The following BANK1 variants were observed in gnomAD, a reference collection of about 807,000 sequenced individuals.
The protein encoded by BANK1 is B-cell scaffold protein with ankyrin repeats.
Under a neutral mutation model 94.5 loss-of-function variants are expected in BANK1, and 95 were observed. The observed-to-expected ratio is 1.00, with a 90% CI of 0.85 to 1.19. BANK1 has a LOEUF of 1.19. Ranked by LOEUF, BANK1 falls within the 50% of genes most tolerant of loss-of-function variation. BANK1 has a pLI of 0.00. For missense variants in BANK1, 987 were observed against 932.2 expected (o/e 1.06, Z -0.77); for synonymous variants, 334 against 308.4 (o/e 1.08, Z -0.87).
intron 7 of BANK1, among the ~76,000 whole-genome samples, chr4:102,002,090 C>A (rs1413004984): frequency 1.1e-4 from 17 of 152,200 alleles, no homozygotes; most frequent in Non-Finnish European, 4.4e-5. Flanking sequence ...CTGGCAGTGC[C>A]TGCAGCACCC....
At chr4:101,986,789 G>GTA (rs553807428) in intron 7 of BANK1, among the ~76,000 whole-genome samples, 4 of 95,436 alleles carry the variant, frequency 4.2e-5, no homozygotes, top group African/African-American at 1.7e-4. Context: ...ATATATGTGT[G>GTA]TATATATATG....
chr4:102,036,897 A>G (rs1326216481), intron 10 of BANK1: 3 of 152,202 alleles, frequency 2.0e-5, no homozygotes, highest in Admixed American at 6.5e-5. Flanking sequence ...CAAGAATTCA[A>G]TTCCTTTATA....
chr4:101,851,303 A>C (rs1477083995), intron 2 of BANK1, among the ~76,000 whole-genome samples: 1 of 152,210 alleles, frequency 6.6e-6, no homozygotes, highest in Non-Finnish European at 1.5e-5. Context: ...TTTTCAGAGC[A>C]AGGCATGTGG....
In BANK1 at chr4:102,052,940, G is replaced by A. The variant is rs144548208; in HGVS notation, c.1970-7271G>A. On this transcript the variant is annotated intron_variant, in intron 11 of 16. Transcript: ENST00000322953. ...GATACCAGAATGAGATTAAACATGC[G>A]ACATGAAGAAAAGGTATTGACAAGA... 5.8e-4 allele frequency among the ~76,000 whole-genome samples: 88 copies of A among 152,218 alleles called. No individual in the cohort carries two copies. The East Asian group carries it at 0.01, about 18-fold the overall frequency.
Position 102,048,911 on chromosome 4 carries a change from A to G in BANK1, c.1969+5004A>G, listed in dbSNP as rs539700074. Among the ~76,000 whole-genome samples, 5 of 152,356 alleles carry G rather than the reference A, an allele frequency of 3.3e-5. No homozygotes were observed. The East Asian group carries it at 9.6e-4, about 29-fold the overall frequency. On this transcript the variant is annotated intron_variant, in intron 11 of 16. Transcript: ENST00000322953. Reference sequence around the variant, plus strand: ...TCCACATTTTGAAAAAATGTAAGGAAAAATGCTGAGGACTTTGGATCACAG... The same window carrying G: ...TCCACATTTTGAAAAAATGTAAGGAGAAATGCTGAGGACTTTGGATCACAG...
intron 2 of BANK1, among the ~76,000 whole-genome samples, chr4:101,854,027 A>G (rs1727590817): frequency 6.6e-6 from 1 of 152,168 alleles, no homozygotes; most frequent in African/African-American, 2.4e-5. Flanking sequence ...GTTGGTGCTC[A>G]GTAGAAAACC....
intron 5 of BANK1, among the ~76,000 whole-genome samples, chr4:101,893,847 A>T (rs1288860561): frequency 6.6e-6 from 1 of 152,118 alleles, no homozygotes; most frequent in Non-Finnish European, 1.5e-5. Context: ...CTCATTGAGT[A>T]CAAAATGAAT....
intron 1 of BANK1, among the ~76,000 whole-genome samples, chr4:101,818,843 A>G (rs1247947087): frequency 6.7e-6 from 1 of 149,378 alleles, no homozygotes; most frequent in African/African-American, 2.5e-5. Context: ...CTTGGAAGGT[A>G]TTCTCCACGA....
chr4:101,996,115 G>A (rs1725870179), intron 7 of BANK1, among the ~76,000 whole-genome samples: 1 of 152,106 alleles, frequency 6.6e-6, no homozygotes, highest in African/African-American at 2.4e-5. Context: ...TAAGGTGTAA[G>A]GAAGGGGTCC....
At chr4:102,062,277 A>G (rs1259400105) in intron 12 of BANK1, 2 of 152,194 alleles carry the variant, frequency 1.3e-5, no homozygotes, top group Non-Finnish European at 2.9e-5. Flanking sequence ...CCTGGCGTTG[A>G]AGATGAAATG....
At chr4:102,006,206 T>C (rs746579021) in intron 7 of BANK1, among the ~76,000 whole-genome samples, 1 of 152,048 alleles carries the variant, frequency 6.6e-6, no homozygotes, top group Non-Finnish European at 1.5e-5. Flanking sequence ...AATAACTTGT[T>C]CATCATCAGT....
chr4:101,890,202 G>A (rs1361863922), intron 5 of BANK1, among the ~76,000 whole-genome samples: 1 of 152,068 alleles, frequency 6.6e-6, no homozygotes. Flanking sequence ...GGATGATGGT[G>A]TGTTTGAATT....
chr4:102,007,109 ATAAATATATAT>A (rs1726306559), intron 7 of BANK1, among the ~76,000 whole-genome samples: 4 of 57,326 alleles, frequency 7.0e-5, no homozygotes, highest in African/African-American at 1.2e-4. Context: ...TTATATATAT[ATAAATATATAT>A]TTTATATATA....
At chr4:101,990,983 C>A (rs1263437367) in intron 7 of BANK1, among the ~76,000 whole-genome samples, 1 of 152,126 alleles carries the variant, frequency 6.6e-6, no homozygotes, top group Non-Finnish European at 1.5e-5. Context: ...TAATAGCTTC[C>A]ATATGTTGAA....
chr4:101,845,529 C>T (rs1305862942), intron 2 of BANK1, among the ~76,000 whole-genome samples: 1 of 152,104 alleles, frequency 6.6e-6, no homozygotes, highest in Non-Finnish European at 1.5e-5. Context: ...TTTTCAAATC[C>T]ATTTTAGACC....
intron 1 of BANK1, among the ~76,000 whole-genome samples, chr4:101,817,088 A>T (rs1243022006): frequency 6.6e-6 from 1 of 152,128 alleles, no homozygotes; most frequent in African/African-American, 2.4e-5. Flanking sequence ...CAAAACTGGT[A>T]TTGTTACTGG....
chr4:101,940,222 G>A (rs894703151), intron 7 of BANK1, among the ~76,000 whole-genome samples: 10 of 149,748 alleles, frequency 6.7e-5, no homozygotes, highest in African/African-American at 2.4e-4. Context: ...GCAATGGTAG[G>A]GACTTTTCCC....
chr4:101,802,841 A>G (rs1725402137), intron 1 of BANK1, among the ~76,000 whole-genome samples: 1 of 152,222 alleles, frequency 6.6e-6, no homozygotes, highest in African/African-American at 2.4e-5. Flanking sequence ...GGACATTACG[A>G]AAGTTGACTT....
In BANK1 at chr4:101,917,979, T is replaced by A; in HGVS notation, c.1010-14T>A. On this transcript the variant is annotated splice_polypyrimidine_tract_variant and intron_variant, in intron 6 of 16. Transcript: ENST00000322953. Reference sequence around the variant, plus strand: ...AATGAAAACATTAAATCCTACTACTTCTTATGCTTACAGATACTCATTTCA... The same window carrying A: ...AATGAAAACATTAAATCCTACTACTACTTATGCTTACAGATACTCATTTCA... 6.3e-7 allele frequency: 1 copy of A among 1,575,788 alleles called. No homozygotes were observed. Among genetic ancestry groups the A allele is most frequent in the Non-Finnish European group, 8.7e-7 (1 of 1,151,358 alleles).
Sources: gnomAD v4.1 joint callset for allele counts (sites outside exome capture counted in the v4.1 genomes callset) on GRCh38, gnomAD v4.1.1 for gene constraint, MANE v1.5 for transcripts, NCBI Gene and HGNC (gene_info 2026-07-23, HGNC 2026-07-21) for gene names.